Variants in FHIT observed in about 807,000 individuals in gnomAD.
The protein encoded by FHIT is bis(5'-adenosyl)-triphosphatase.
Under a neutral mutation model 17.9 loss-of-function variants are expected in FHIT, and 19 were observed. That is an observed-to-expected ratio of 1.06 (90% CI 0.74 to 1.56). The LOEUF (loss-of-function observed/expected upper bound fraction) is 1.56. FHIT is among the 40% of genes most tolerant of loss of function. FHIT has a pLI of 0.00. For synonymous variants in FHIT, 81 were observed against 69.7 expected (o/e 1.16, Z -0.81); for missense variants, 248 against 189.2 (o/e 1.31, Z -1.82).
At chr3:60,750,078 G>A (rs145093329) in intron 4 of FHIT, among the ~76,000 whole-genome samples, 54 of 152,224 alleles carry the variant, frequency 3.5e-4, no homozygotes, top group Middle Eastern at 3.4e-3. Context: ...TGGGATCAAA[G>A]GCATGTTGCC....
chr3:60,548,085 T>G (rs141149846), intron 4 of FHIT, among the ~76,000 whole-genome samples: 5 of 151,902 alleles, frequency 3.3e-5, no homozygotes, highest in African/African-American at 1.2e-4. Context: ...GGGCACAATC[T>G]AATCAGCTGG....
At chr3:61,003,034 G>C (rs979654397) in intron 3 of FHIT, among the ~76,000 whole-genome samples, 1 of 152,202 alleles carries the variant, frequency 6.6e-6, no homozygotes, top group Admixed American at 6.5e-5. Context: ...TTTTGTTGTA[G>C]TTCGTGCCTA....
At chr3:60,167,155 T>C (rs1233603397) in intron 5 of FHIT, among the ~76,000 whole-genome samples, 4 of 152,218 alleles carry the variant, frequency 2.6e-5, no homozygotes, top group Non-Finnish European at 1.5e-5. Context: ...CCTCTTATCC[T>C]ATAATCTGTT....
chr3:60,199,833 G>C (rs190873704), intron 5 of FHIT, among the ~76,000 whole-genome samples: 5 of 152,234 alleles, frequency 3.3e-5, no homozygotes, highest in Admixed American at 2.0e-4. Flanking sequence ...GTTAAGGAGA[G>C]AGTAGAGAGA....
chr3:60,916,192 G>A (rs553677087), intron 3 of FHIT, among the ~76,000 whole-genome samples: 1 of 152,192 alleles, frequency 6.6e-6, no homozygotes, highest in East Asian at 1.9e-4. Context: ...TTAATCATTT[G>A]TTGTTAAATG....
In FHIT at chr3:60,813,500, C is replaced by T. The variant is rs556206104; in HGVS notation, c.-18+8419G>A. Among the ~76,000 whole-genome samples the T allele has an allele frequency of 3.9e-5, 6 of 152,118 alleles. No individual in the cohort carries two copies. The East Asian group carries it at 9.7e-4, about 25-fold the overall frequency. On this transcript the variant is annotated intron_variant, in intron 4 of 9. Transcript: ENST00000492590. Reference sequence around the variant, plus strand: ...AATTTTGAAGGCATCCAACTTGATCCTAGATCATGGGAGGTGCTTAAACAT... The same window carrying T: ...AATTTTGAAGGCATCCAACTTGATCTTAGATCATGGGAGGTGCTTAAACAT...
intron 5 of FHIT, among the ~76,000 whole-genome samples, chr3:60,323,424 C>T (rs1709522911): frequency 1.3e-5 from 2 of 152,094 alleles, no homozygotes; most frequent in African/African-American, 2.4e-5. Flanking sequence ...CCACATAAGC[C>T]GGTTAGAGAG....
At chr3:60,915,239 C>T (rs1014237545) in intron 3 of FHIT, among the ~76,000 whole-genome samples, 2 of 152,020 alleles carry the variant, frequency 1.3e-5, no homozygotes, top group East Asian at 3.8e-4. Context: ...ACATTAATTC[C>T]TTCAATAACA....
intron 5 of FHIT, among the ~76,000 whole-genome samples, chr3:60,035,164 T>G (rs1701163182): frequency 6.6e-6 from 1 of 152,130 alleles, no homozygotes; most frequent in Admixed American, 6.6e-5. Context: ...ATACATCAGA[T>G]AGTGCACTAG....
chr3:60,007,247 G>T (rs1229703961), intron 7 of FHIT, among the ~76,000 whole-genome samples: 1 of 152,134 alleles, frequency 6.6e-6, no homozygotes, highest in African/African-American at 2.4e-5. Flanking sequence ...CTAAAGAAAT[G>T]AATATTGCCT....
At chr3:60,845,058 T>C (rs1702878064) in intron 3 of FHIT, among the ~76,000 whole-genome samples, 1 of 152,108 alleles carries the variant, frequency 6.6e-6, no homozygotes, top group Non-Finnish European at 1.5e-5. Flanking sequence ...AATATGAAGT[T>C]TATTTTCAAA....
At chr3:60,441,522 G>A (rs540577879) in intron 5 of FHIT, among the ~76,000 whole-genome samples, 6 of 150,842 alleles carry the variant, frequency 4.0e-5, no homozygotes, top group Non-Finnish European at 7.4e-5. Flanking sequence ...ATTTACCTTA[G>A]AGAATAGGCA....
At chr3:60,979,293 A>T (rs967278988) in intron 3 of FHIT, among the ~76,000 whole-genome samples, 1 of 152,154 alleles carries the variant, frequency 6.6e-6, no homozygotes, top group Non-Finnish European at 1.5e-5. Context: ...CAGCTGGGGA[A>T]TCTCAGTTTC....
intron 4 of FHIT, among the ~76,000 whole-genome samples, chr3:60,701,488 G>T (rs2041246634): frequency 6.6e-6 from 1 of 152,086 alleles, no homozygotes; most frequent in Admixed American, 6.6e-5. Context: ...GGAAAGGGGG[G>T]AGTGCTGATT....
chr3:60,090,532 A>G (rs1426221528), intron 5 of FHIT, among the ~76,000 whole-genome samples: 9 of 152,170 alleles, frequency 5.9e-5, no homozygotes, highest in Non-Finnish European at 1.3e-4. Flanking sequence ...GAAGTGCCAC[A>G]ACATATAATA....
intron 4 of FHIT, among the ~76,000 whole-genome samples, chr3:60,624,051 G>A (rs1483036258): frequency 6.6e-6 from 1 of 152,164 alleles, no homozygotes; most frequent in African/African-American, 2.4e-5. Context: ...CAGAAAAACT[G>A]ACTCAGAGCA....
chr3:60,641,071 T>G (rs567306455), intron 4 of FHIT, among the ~76,000 whole-genome samples: 1 of 152,188 alleles, frequency 6.6e-6, no homozygotes, highest in Non-Finnish European at 1.5e-5. Flanking sequence ...TCCCAGCTAC[T>G]TGGGAGGCTG....
intron 8 of FHIT, among the ~76,000 whole-genome samples, chr3:59,787,757 T>C (rs902597409): frequency 1.1e-4 from 16 of 152,194 alleles, no homozygotes; most frequent in Non-Finnish European, 2.4e-4. Flanking sequence ...ATTAGTCCCA[T>C]TGGACAAATG....
At chr3:60,248,995 C>T (rs1271364370) in intron 5 of FHIT, among the ~76,000 whole-genome samples, 1 of 152,148 alleles carries the variant, frequency 6.6e-6, no homozygotes, top group African/African-American at 2.4e-5. Flanking sequence ...ACTTACTTTT[C>T]CACAATTGCA....
Sources: gnomAD v4.1 joint callset for allele counts (sites outside exome capture counted in the v4.1 genomes callset) on GRCh38, gnomAD v4.1.1 for gene constraint, MANE v1.5 for transcripts, NCBI Gene and HGNC (gene_info 2026-07-23, HGNC 2026-07-21) for gene names.